Variants in AKR1E2 observed in about 807,000 individuals in gnomAD.
AKR1E2 encodes the protein 1,5-anhydro-D-fructose reductase.
Under a neutral mutation model 41.9 loss-of-function variants are expected in AKR1E2, and 43 were observed. That is an observed-to-expected ratio of 1.03 (90% CI 0.80 to 1.32). The LOEUF (loss-of-function observed/expected upper bound fraction) is 1.32, where lower values mean the gene tolerates loss of function less well. Among genes scored for constraint, AKR1E2 ranks in the 40% most tolerant of loss-of-function variants. The pLI is 0.00. For synonymous variants in AKR1E2, 121 were observed against 138.9 expected (o/e 0.87, Z 0.91); for missense variants, 423 against 396.5 (o/e 1.07, Z -0.57).
At chr10:4,871,047 C>T in the AKR1E2 span, among the ~76,000 whole-genome samples, 5 of 151,846 alleles carry the variant, frequency 3.3e-5, no homozygotes, top group African/African-American at 1.2e-4. Flanking sequence ...CAATAATTAT[C>T]TCCTCTATTT....
At chr10:4,862,240 T>G in the AKR1E2 span, among the ~76,000 whole-genome samples, 1 of 152,190 alleles carries the variant, frequency 6.6e-6, no homozygotes, top group Admixed American at 6.5e-5. Context: ...CAGATAGTTG[T>G]AGATGTGTGG....
the AKR1E2 span, among the ~76,000 whole-genome samples, chr10:4,856,702 A>T: frequency 6.6e-6 from 1 of 152,218 alleles, no homozygotes; most frequent in East Asian, 1.9e-4. Context: ...GATATGACTT[A>T]GTGTATGTTA....
At chr10:4,852,377 C>G (rs1251827435), downstream of AKR1E2, among the ~76,000 whole-genome samples, 1 of 152,144 alleles carries the variant, frequency 6.6e-6, no homozygotes, top group African/African-American at 2.4e-5. Context: ...GATCACGGCC[C>G]TCATTAGTGA....
the AKR1E2 span, among the ~76,000 whole-genome samples, chr10:4,870,093 T>C: frequency 1.3e-5 from 2 of 152,036 alleles, no homozygotes; most frequent in Non-Finnish European, 2.9e-5. Flanking sequence ...TTTTGGTGTT[T>C]CTCTTTGTAT....
chr10:4,866,645 GT>G, the AKR1E2 span, among the ~76,000 whole-genome samples: 7 of 119,198 alleles, frequency 5.9e-5, no homozygotes, highest in Admixed American at 1.9e-4. Context: ...TTTTGTTTTT[GT>G]TTTTTTTTTT....
At chr10:4,869,137 A>G in the AKR1E2 span, among the ~76,000 whole-genome samples, 3 of 152,152 alleles carry the variant, frequency 2.0e-5, no homozygotes, top group Admixed American at 6.5e-5. Context: ...ATAAACATTT[A>G]TAAGCAATCC....
chr10:4,855,080 A>G, the AKR1E2 span, among the ~76,000 whole-genome samples: 1 of 152,180 alleles, frequency 6.6e-6, no homozygotes, highest in African/African-American at 2.4e-5. Context: ...CTTCATGACC[A>G]CAAGTTGCCA....
intron 3 of AKR1E2, 72 bp downstream of exon 3, chr10:4,833,538 G>T (rs1833153638): frequency 7.6e-7 from 1 of 1,316,542 alleles, no homozygotes; most frequent in South Asian, 1.2e-5. Flanking sequence ...CTGTCTTGCG[G>T]TGGGGAGAGC....
chr10:4,862,352 A>C, the AKR1E2 span, among the ~76,000 whole-genome samples: 1 of 152,180 alleles, frequency 6.6e-6, no homozygotes, highest in Non-Finnish European at 1.5e-5. Context: ...TATAATTTGA[A>C]TTCAGGTAGT....
At chr10:4,848,169 C>T (rs776040089), downstream of AKR1E2, 1 of 151,554 alleles carries the variant, frequency 6.6e-6, no homozygotes, top group Non-Finnish European at 1.5e-5. Flanking sequence ...CCTCCGCCTC[C>T]TGGGCTTAAG....
chr10:4,854,951 C>G, the AKR1E2 span, among the ~76,000 whole-genome samples: 1 of 152,282 alleles, frequency 6.6e-6, no homozygotes, highest in African/African-American at 2.4e-5. Flanking sequence ...CTGCCTTGCC[C>G]TCTTTGCTGA....
intron 2 of AKR1E2, among the ~76,000 whole-genome samples, chr10:4,832,827 A>G (rs928073652): frequency 2.6e-5 from 4 of 152,198 alleles, no homozygotes; most frequent in African/African-American, 9.7e-5. Flanking sequence ...TAAAAGTAAA[A>G]TGAGGGGAAA....
At chr10:4,857,223 T>G in the AKR1E2 span, among the ~76,000 whole-genome samples, 3 of 152,194 alleles carry the variant, frequency 2.0e-5, no homozygotes, top group Non-Finnish European at 2.9e-5. Flanking sequence ...TTTGGATCTG[T>G]TTCCCCACCC....
Position 4,835,718 on chromosome 10 carries a change from T to A in AKR1E2, c.368T>A (p.Phe123Tyr). ...EWIMSCSELS[F>Y]CLSHPRVQDL... ...ATCATGAGCTGCAGTGAACTTTCCTTCTGCCTCTCACATCCTCGAGTGCAG... is the reference window on the plus strand; with the variant it reads ...ATCATGAGCTGCAGTGAACTTTCCTACTGCCTCTCACATCCTCGAGTGCAG... The change falls in exon 4 of 10, where the codon TTC becomes TAC. Residue 123 changes from phenylalanine to tyrosine, a missense_variant. By Grantham distance (22) the Phe-to-Tyr change is conservative. Coordinates refer to ENST00000298375, the MANE Select transcript of AKR1E2 (RefSeq NM_001040177.3). The A allele has an allele frequency of 6.2e-7, 1 of 1,614,202 alleles. No homozygotes were observed. The highest frequency in any genetic ancestry group is 8.5e-7 in the Non-Finnish European group (1 of 1,180,048).
At chr10:4,872,504 T>C in the AKR1E2 span, among the ~76,000 whole-genome samples, 252 of 152,312 alleles carry the variant, frequency 1.7e-3, 1 homozygote, top group African/African-American at 5.5e-3. Context: ...TCTTTCTGTA[T>C]ATGAAGTAAT....
intron 6 of AKR1E2, 29 bp from the exon 7 acceptor site, chr10:4,841,756 G>A (rs745773813): frequency 2.0e-6 from 3 of 1,475,484 alleles, no homozygotes; most frequent in South Asian, 2.8e-5. Context: ...GGATCTCCTG[G>A]CTCACTCCCC....
intron 8 of AKR1E2, among the ~76,000 whole-genome samples, chr10:4,846,837 C>T (rs2131576478): frequency 6.6e-6 from 1 of 152,320 alleles, no homozygotes; most frequent in Middle Eastern, 3.4e-3. Context: ...AACCACCGCG[C>T]CCAGCCGCTA....
intron 5 of AKR1E2, among the ~76,000 whole-genome samples, chr10:4,839,422 GGA>G (rs760424947): frequency 6.6e-5 from 10 of 151,764 alleles, no homozygotes; most frequent in Non-Finnish European, 1.5e-4. Flanking sequence ...AAAGGCCGGG[GGA>G]GATGAGAGCT....
At chr10:4,849,539 C>T (rs958321112), downstream of AKR1E2, among the ~76,000 whole-genome samples, 3 of 152,178 alleles carry the variant, frequency 2.0e-5, no homozygotes, top group African/African-American at 7.2e-5. Flanking sequence ...TTTTCCTTGT[C>T]ACTTATACTT....
Sources: gnomAD v4.1 joint callset for allele counts (sites outside exome capture counted in the v4.1 genomes callset) on GRCh38, gnomAD v4.1.1 for gene constraint, MANE v1.5 for transcripts, NCBI Gene and HGNC (gene_info 2026-07-23, HGNC 2026-07-21) for gene names.